Variants in CYP2R1 observed in about 807,000 individuals in gnomAD.
CYP2R1 encodes cytochrome P450 family 2 subfamily R member 1.
In CYP2R1, 40 loss-of-function variants were observed where a neutral mutation model predicts 45.7. That is an observed-to-expected ratio of 0.87 (90% CI 0.68 to 1.14). CYP2R1 has a LOEUF of 1.14. Ranked by LOEUF, CYP2R1 falls within the 50% of genes most tolerant of loss-of-function variation. The pLI is 0.00. For missense variants in CYP2R1, 605 were observed against 602.6 expected, an observed-to-expected ratio of 1.00 and a Z score of -0.04; for synonymous variants, 234 against 219.3, an observed-to-expected ratio of 1.07 and a Z score of -0.59.
chr11:14,889,921 G>A (rs1209890784), intron 1 of CYP2R1, among the ~76,000 whole-genome samples: 2 of 152,082 alleles, frequency 1.3e-5, no homozygotes, highest in Non-Finnish European at 2.9e-5. Flanking sequence ...GAGGTCAGGA[G>A]ATCGAGACCA....
intron 2 of CYP2R1, among the ~76,000 whole-genome samples, chr11:14,884,346 C>A (rs1848520327): frequency 6.6e-6 from 1 of 151,930 alleles, no homozygotes; most frequent in Non-Finnish European, 1.5e-5. Flanking sequence ...GAATACTATG[C>A]AGCCATAAAA....
intron 2 of CYP2R1, among the ~76,000 whole-genome samples, chr11:14,880,991 T>C (rs1289851404): frequency 3.3e-5 from 5 of 152,084 alleles, no homozygotes; most frequent in East Asian, 1.9e-4. Context: ...AGGCCTATAA[T>C]TGCACCACCA....
rs1017876361 is a variant in CYP2R1 at position 14,877,522 on chromosome 11, C to G, written c.*600G>C. The G allele has an allele frequency of 6.6e-6, 1 of 152,138 alleles. No homozygotes were observed. Among genetic ancestry groups the G allele is most frequent in the South Asian group, 2.1e-4 (1 of 4,832 alleles). 9.4% of individuals were successfully genotyped at this position (152,138 alleles called of 1,614,324 possible). ...ATGGACACTCAGGGTCACACAGACC[C>G]TCATTTATAAGAAGAATGACACAGT... On this transcript the variant is annotated 3_prime_UTR_variant, in exon 5 of 5. Coordinates refer to ENST00000334636, the MANE Select transcript of CYP2R1 (RefSeq NM_024514.5).
At chr11:14,890,477 T>C (rs1555016265) in intron 1 of CYP2R1, 1 of 976,758 alleles carries the variant, frequency 1.0e-6, no homozygotes, top group African/African-American at 1.8e-5. Context: ...AAACTATTCG[T>C]GAACCATGAA....
intron 1 of CYP2R1, chr11:14,891,582 T>C: frequency 9.7e-7 from 1 of 1,036,042 alleles, no homozygotes; most frequent in Admixed American, 5.4e-5. Context: ...ACAAGCCGCG[T>C]GCAGCTTCCA....
At chr11:14,882,442 C>A (rs1555012645) in intron 2 of CYP2R1, among the ~76,000 whole-genome samples, 1 of 152,036 alleles carries the variant, frequency 6.6e-6, no homozygotes, top group African/African-American at 2.4e-5. Context: ...CAAGATGAAA[C>A]CAGCCCTAGA....
chr11:14,880,186 T>C lies in CYP2R1; in HGVS notation c.950A>G (p.Asn317Ser), dbSNP rs147626987. ...GAAAAGAATCGCCCACCGTAGCACA[T>C]TGGTTGTAGTTTCAGTTCCAGCAAT... Reference protein sequence around the residue: ...LIIAGTETTTNVLRWAILFMA... With the variant: ...LIIAGTETTTSVLRWAILFMA... Residue 317 changes from asparagine (N) to serine (S), a missense_variant, in exon 3 of 5, where the codon AAT becomes AGT. Coordinates refer to ENST00000334636, the MANE Select transcript of CYP2R1 (RefSeq NM_024514.5). 3.7e-5 allele frequency: 59 copies of C among 1,612,888 alleles called. No individual in the cohort carries two copies. Among genetic ancestry groups the C allele is most frequent in the East Asian group, 6.7e-5 (3 of 44,848 alleles).
chr11:14,879,495 A>C (rs782680484), intron 3 of CYP2R1, 52 bp from the exon 4 acceptor site: 3 of 1,384,894 alleles, frequency 2.2e-6, no homozygotes, highest in African/African-American at 2.8e-5. Flanking sequence ...AATTATACCT[A>C]AAGTTATTTC....
At chr11:14,884,966 G>T (rs1346841841) in intron 2 of CYP2R1, among the ~76,000 whole-genome samples, 2 of 152,028 alleles carry the variant, frequency 1.3e-5, no homozygotes, top group Admixed American at 6.6e-5. Context: ...TCTGGCCTGA[G>T]AATTCAGTCT....
At chr11:14,882,888 AACAG>A (rs1276076033) in intron 2 of CYP2R1, among the ~76,000 whole-genome samples, 7 of 152,200 alleles carry the variant, frequency 4.6e-5, no homozygotes, top group Non-Finnish European at 8.8e-5. Flanking sequence ...ATACACCAAT[AACAG>A]ACAAACACAG....
At position 14,892,006 on chromosome 11, in the gene CYP2R1, C is replaced by T. The variant is rs1555017235; in HGVS notation, c.200G>A (p.Arg67Lys). The T allele has an allele frequency of 1.2e-6, 2 of 1,613,480 alleles. No homozygotes were observed. Among genetic ancestry groups the T allele is most frequent in the East Asian group, 2.2e-5 (1 of 44,856 alleles). ...ASSELPHVYM[R>K]KQSQVYGEIF... ...CTCTCCGTACACCTGGCTCTGCTTT[C>T]TCATGTAGACATGGGGAAGCTCGGA... The change falls in exon 1 of 5, where the codon AGA (arginine) becomes AAA (lysine). Residue 67 changes from arginine to lysine, a missense_variant. By Grantham distance (26) the Arg-to-Lys change is conservative (BLOSUM62 2). Transcript: ENST00000334636.
intron 1 of CYP2R1, chr11:14,890,975 G>C: frequency 1.0e-6 from 1 of 985,428 alleles, no homozygotes; most frequent in Non-Finnish European, 1.2e-6. Flanking sequence ...CCGATAATGA[G>C]ATTAGTTTTC....
At chr11:14,892,254 A>T (rs782771117), upstream of CYP2R1, 2 of 1,546,290 alleles carry the variant, frequency 1.3e-6, no homozygotes, top group Non-Finnish European at 8.8e-7. Context: ...AGACCCAGGC[A>T]CTCCCTCCAG....
chr11:14,891,841 G>C, intron 1 of CYP2R1, 140 bp downstream of exon 1: 1 of 1,417,750 alleles, frequency 7.1e-7, no homozygotes, highest in African/African-American at 1.4e-5. Flanking sequence ...CGGGAAGCGG[G>C]TGTCCCTCAA....
In CYP2R1 at chr11:14,880,693, C is replaced by A. The variant is rs200978947; in HGVS notation, c.443G>T (p.Gly148Val). Reference protein sequence around the residue: ...RLAVNSFRYFGYGQKSFESKI... With the variant: ...RLAVNSFRYFVYGQKSFESKI... The stretch of plus-strand genomic sequence containing the variant: ...AGATTCAAAAGACTTTTGGCCATAT[C>A]CAAAATATCGAAAACTGTTTACAGC... Residue 148 changes from glycine to valine, a missense_variant, in exon 3 of 5, where the codon GGA becomes GTA. Coordinates refer to ENST00000334636, the MANE Select transcript of CYP2R1 (RefSeq NM_024514.5). The A allele has an allele frequency of 5.0e-6, 8 of 1,595,792 alleles. No homozygotes were observed. Among genetic ancestry groups the A allele is most frequent in the African/African-American group, 1.4e-5 (1 of 73,542 alleles).
intron 1 of CYP2R1, among the ~76,000 whole-genome samples, chr11:14,889,167 T>G (rs1281210743): frequency 2.0e-4 from 26 of 130,128 alleles, no homozygotes; most frequent in African/African-American, 6.7e-4. Context: ...TCCAGTTGTT[T>G]TTTTTTTTTT....
chr11:14,880,542 T>A lies in CYP2R1; in HGVS notation c.594A>T (p.Glu198Asp). ...SNITNLIIFG[E>D]RFTYEDTDFQ... Reference sequence around the variant, plus strand: ...AATCGGTGTCTTCATAAGTGAATCGTTCTCCAAAAATGATCAGATTGGTTA... The same window carrying A: ...AATCGGTGTCTTCATAAGTGAATCGATCTCCAAAAATGATCAGATTGGTTA... The change falls in exon 3 of 5, where the codon GAA becomes GAT. Residue 198 changes from glutamate (E) to aspartate (D), a missense_variant. Physicochemically the swap from Glu to Asp is conservative, Grantham distance 45 (BLOSUM62 2). Coordinates refer to ENST00000334636, the MANE Select transcript of CYP2R1 (RefSeq NM_024514.5). 6.2e-7 allele frequency: 1 copy of A among 1,613,480 alleles called. No individual in the cohort carries two copies. Among genetic ancestry groups the A allele is most frequent in the Non-Finnish European group, 8.5e-7 (1 of 1,179,680 alleles).
At position 14,878,091 on chromosome 11, in the gene CYP2R1, ATTCT is replaced by A. The variant is rs1555010187; in HGVS notation, c.*27_*30del. The A allele has an allele frequency of 6.2e-7, 1 of 1,611,120 alleles. No individual in the cohort carries two copies. Among genetic ancestry groups the A allele is most frequent in the Middle Eastern group, 1.7e-4 (1 of 6,044 alleles). On this transcript the variant is annotated 3_prime_UTR_variant, in exon 5 of 5. Transcript: ENST00000334636. ...AAGTTCAGGGATAAGGCAAATATAC[ATTCT>A]TGTTCCCGAAAACATCCCAGGCAGT... is the stretch of plus-strand genomic sequence containing the variant.
In CYP2R1 at chr11:14,891,991, A is replaced by T; in HGVS notation, c.215T>A (p.Val72Glu). The T allele has an allele frequency of 6.2e-7, 1 of 1,613,254 alleles. No homozygotes were observed. Among genetic ancestry groups the T allele is most frequent in the Non-Finnish European group, 8.5e-7 (1 of 1,179,742 alleles). The change falls in exon 1 of 5, where the codon GTG becomes GAG. Residue 72 changes from valine to glutamate, a missense_variant. Transcript: ENST00000334636. ...PHVYMRKQSQVYGEIFSLDLG... is the reference protein window; with the variant it reads ...PHVYMRKQSQEYGEIFSLDLG... The stretch of plus-strand genomic sequence containing the variant: ...CCGTCGGGGCTGTACCTCTCCGTAC[A>T]CCTGGCTCTGCTTTCTCATGTAGAC...
Sources: allele counts gnomAD v4.1 joint callset (sites outside exome capture counted in the v4.1 genomes callset), GRCh38; gene constraint gnomAD v4.1.1; transcripts MANE v1.5; gene names NCBI Gene and HGNC (gene_info 2026-07-23, HGNC 2026-07-21).